Variants in ANKRD55 observed in about 807,000 individuals in gnomAD.
ANKRD55 encodes the protein ankyrin repeat domain 55.
In ANKRD55, 41 loss-of-function variants were observed where a neutral mutation model predicts 60.6. The ratio of observed to expected loss-of-function variants is 0.68; its 90% CI spans 0.53 to 0.88. The LOEUF is 0.88. ANKRD55 is among the 40% of genes least tolerant of loss of function. The probability of loss-of-function intolerance (pLI) is 0.00; values close to 1 mark genes in which losing one functional copy is unlikely to be tolerated. For missense variants in ANKRD55, 732 were observed against 767.6 expected (o/e 0.95, Z 0.55); for synonymous variants, 264 against 290.3 (o/e 0.91, Z 0.92).
At chr5:56,179,509 G>T (rs991142642) in intron 3 of ANKRD55, among the ~76,000 whole-genome samples, 1 of 152,130 alleles carries the variant, frequency 6.6e-6, no homozygotes, top group Non-Finnish European at 1.5e-5. Context: ...CCAAGGAAAA[G>T]ATTGCAAATT....
At chr5:56,233,207 C>T in intron 1 of ANKRD55, 34 bp downstream of exon 1, 1 of 368,038 alleles carries the variant, frequency 2.7e-6, no homozygotes, top group Non-Finnish European at 4.9e-6. Flanking sequence ...TACTCAAACT[C>T]CAAAAAGATA....
At chr5:56,122,462 C>T (rs1757095384) in intron 8 of ANKRD55, among the ~76,000 whole-genome samples, 1 of 151,720 alleles carries the variant, frequency 6.6e-6, no homozygotes, top group South Asian at 2.1e-4. Context: ...ACCAGTCTGG[C>T]CAACATGGTG....
At chr5:56,102,636 A>G in intron 10 of ANKRD55, 50 bp from the exon 11 acceptor site, 1 of 1,297,904 alleles carries the variant, frequency 7.7e-7, no homozygotes, top group African/African-American at 1.5e-5. Flanking sequence ...ACCAAGTGCA[A>G]ATTACAGAAT....
intron 6 of ANKRD55, 71 bp downstream of exon 6, chr5:56,159,762 T>C: frequency 1.4e-6 from 2 of 1,474,468 alleles, no homozygotes; most frequent in Non-Finnish European, 1.9e-6. Flanking sequence ...GGAAGCACAA[T>C]GGTTCAGAAA....
chr5:56,153,563 G>A (rs1257917020), intron 6 of ANKRD55, among the ~76,000 whole-genome samples: 1 of 152,166 alleles, frequency 6.6e-6, no homozygotes, highest in African/African-American at 2.4e-5. Context: ...CCACAGGCTG[G>A]GTGCCGTGGC....
chr5:56,112,234 G>A (rs897151210), intron 9 of ANKRD55, among the ~76,000 whole-genome samples: 5 of 151,986 alleles, frequency 3.3e-5, no homozygotes, highest in Non-Finnish European at 5.9e-5. Flanking sequence ...TGCTGAGGTG[G>A]GGGGAATGTG....
intron 6 of ANKRD55, among the ~76,000 whole-genome samples, chr5:56,159,330 G>A (rs112145625): frequency 0.14 from 20,604 of 152,108 alleles, 1,781 homozygotes; most frequent in Middle Eastern, 0.21. Context: ...GTGTGGTGGC[G>A]CCTGCTTGTA....
chr5:56,231,600 C>T (rs1267803625), intron 2 of ANKRD55, among the ~76,000 whole-genome samples: 1 of 151,894 alleles, frequency 6.6e-6, no homozygotes, highest in Non-Finnish European at 1.5e-5. Context: ...CAACGCCTTT[C>T]TCTATGCTGT....
chr5:56,154,743 T>C (rs1349351908), intron 6 of ANKRD55, among the ~76,000 whole-genome samples: 1 of 152,088 alleles, frequency 6.6e-6, no homozygotes, highest in Non-Finnish European at 1.5e-5. Flanking sequence ...CATGAGCCAC[T>C]ACAGCCGGCT....
chr5:56,124,562 C>T (rs1363748914), intron 8 of ANKRD55, among the ~76,000 whole-genome samples: 2 of 152,030 alleles, frequency 1.3e-5, no homozygotes, highest in African/African-American at 4.8e-5. Context: ...GGCTGGAGTG[C>T]AGTGGCACAA....
chr5:56,187,383 A>G (rs1007599725), intron 2 of ANKRD55, among the ~76,000 whole-genome samples: 4 of 152,234 alleles, frequency 2.6e-5, no homozygotes, highest in Non-Finnish European at 5.9e-5. Flanking sequence ...GGGAGGGACA[A>G]TGACCGGGAT....
chr5:56,228,614 A>C (rs1760174887), intron 2 of ANKRD55, among the ~76,000 whole-genome samples: 1 of 151,900 alleles, frequency 6.6e-6, no homozygotes, highest in African/African-American at 2.4e-5. Flanking sequence ...TACTAGAGAC[A>C]GGGTTTCACC....
At position 56,127,297 on chromosome 5, in the gene ANKRD55, T is replaced by C. The variant is rs1757294491; in HGVS notation, c.613-191A>G. ...CTAAGCTCTCCAACAAGTGTCCACT[T>C]GTCTCAAGTCACTGCAGAGATTTTT... On this transcript the variant is annotated intron_variant, in intron 7 of 11. Transcript: ENST00000341048. The C allele has an allele frequency of 1.0e-5, 10 of 985,356 alleles. No homozygotes were observed. The South Asian group carries it at 4.7e-4, about 46-fold the overall frequency. The allele number at this position is 985,356 out of a possible 1,614,324, so 61.0% of individuals were successfully genotyped here.
At chr5:56,138,127 C>CTTTT (rs70995774) in intron 7 of ANKRD55, among the ~76,000 whole-genome samples, 4 of 129,844 alleles carry the variant, frequency 3.1e-5, no homozygotes, top group Non-Finnish European at 4.8e-5. Flanking sequence ...GTTTCTTTTT[C>CTTTT]TTTTTTTTTT....
At chr5:56,202,048 A>G (rs1368148488) in intron 2 of ANKRD55, among the ~76,000 whole-genome samples, 1 of 152,218 alleles carries the variant, frequency 6.6e-6, no homozygotes, top group South Asian at 2.1e-4. Context: ...GCAGGAACAG[A>G]AAACCAAACA....
intron 2 of ANKRD55, among the ~76,000 whole-genome samples, chr5:56,189,470 T>G (rs937631582): frequency 6.6e-6 from 1 of 152,218 alleles, no homozygotes; most frequent in South Asian, 2.1e-4. Flanking sequence ...CTCATTAAAC[T>G]GTAACTTCCC....
At chr5:56,229,439 T>A (rs1436342747) in intron 2 of ANKRD55, among the ~76,000 whole-genome samples, 1 of 152,184 alleles carries the variant, frequency 6.6e-6, no homozygotes, top group Non-Finnish European at 1.5e-5. Context: ...ACCATGCCCC[T>A]GGCCAGTCAA....
chr5:56,109,562 G>T (rs1424758738), intron 10 of ANKRD55, among the ~76,000 whole-genome samples: 1 of 150,442 alleles, frequency 6.6e-6, no homozygotes, highest in Admixed American at 6.6e-5. Flanking sequence ...GTAGAGATGG[G>T]GATCCTGCTA....
At chr5:56,179,467 A>C (rs1397455470) in intron 3 of ANKRD55, among the ~76,000 whole-genome samples, 1 of 152,200 alleles carries the variant, frequency 6.6e-6, no homozygotes, top group Non-Finnish European at 1.5e-5. Context: ...AGGGCCTTCA[A>C]CTGCTCTGTA....
Sources: allele counts gnomAD v4.1 joint callset (sites outside exome capture counted in the v4.1 genomes callset), GRCh38; gene constraint gnomAD v4.1.1; transcripts MANE v1.5; gene names NCBI Gene and HGNC (gene_info 2026-07-23, HGNC 2026-07-21).